The following ERP44 variants were observed in gnomAD, a reference collection of about 807,000 sequenced individuals.
The protein encoded by ERP44 is endoplasmic reticulum resident protein 44.
In ERP44, 25 loss-of-function variants were observed where a neutral mutation model predicts 53.4. The observed-to-expected ratio is 0.47, with a 90% CI of 0.34 to 0.65. The LOEUF is 0.65. ERP44 is among the 30% of genes least tolerant of loss of function. The pLI, the probability that ERP44 is intolerant of heterozygous loss-of-function variation, is 0.01. For synonymous variants in ERP44, 145 were observed against 161.2 expected (o/e 0.90, Z 0.76); for missense variants, 338 against 493.2 (o/e 0.69, Z 2.98).
chr9:100,049,636 C>A (rs1268825668), intron 4 of ERP44, among the ~76,000 whole-genome samples: 1 of 152,106 alleles, frequency 6.6e-6, no homozygotes, highest in African/African-American at 2.4e-5. Context: ...GAATATGGAA[C>A]AACTGGAACT....
intron 4 of ERP44, among the ~76,000 whole-genome samples, chr9:100,043,552 C>A (rs2118692879): frequency 6.6e-6 from 1 of 151,856 alleles, no homozygotes; most frequent in East Asian, 1.9e-4. Flanking sequence ...GTCAGGAGTT[C>A]GAGACCAGCC....
At chr9:100,033,814 TG>T (rs2118675780) in intron 4 of ERP44, among the ~76,000 whole-genome samples, 1 of 152,300 alleles carries the variant, frequency 6.6e-6, no homozygotes, top group East Asian at 1.9e-4. Flanking sequence ...GAGTTATGAA[TG>T]GCCCTCGACA....
At chr9:100,046,893 T>A (rs1825977399) in intron 4 of ERP44, among the ~76,000 whole-genome samples, 1 of 152,150 alleles carries the variant, frequency 6.6e-6, no homozygotes, top group African/African-American at 2.4e-5. Context: ...GCTATAGTAA[T>A]CTACGAAGTA....
chr9:100,022,884 G>A (rs1830608898), intron 4 of ERP44, among the ~76,000 whole-genome samples: 1 of 152,134 alleles, frequency 6.6e-6, no homozygotes, highest in South Asian at 2.1e-4. Flanking sequence ...GGCAAACGAA[G>A]TAACTAAGAT....
intron 3 of ERP44, among the ~76,000 whole-genome samples, chr9:100,052,911 A>G (rs755478746): frequency 6.6e-6 from 1 of 152,080 alleles, no homozygotes; most frequent in Non-Finnish European, 1.5e-5. Flanking sequence ...AGCTTTCTCT[A>G]TTTTATTTAT....
chr9:100,076,090 C>T (rs1826352633), intron 1 of ERP44, among the ~76,000 whole-genome samples: 1 of 152,196 alleles, frequency 6.6e-6, no homozygotes, highest in South Asian at 2.1e-4. Context: ...TTTTGAGAGA[C>T]AGCTCTTGGC....
chr9:100,083,717 T>TG (rs1826451262), intron 1 of ERP44, among the ~76,000 whole-genome samples: 1 of 152,204 alleles, frequency 6.6e-6, no homozygotes, highest in Admixed American at 6.5e-5. Context: ...CCAGGACTAA[T>TG]GCATCAAGAA....
intron 1 of ERP44, among the ~76,000 whole-genome samples, chr9:100,088,460 G>A (rs779895666): frequency 6.6e-5 from 10 of 152,182 alleles, no homozygotes; most frequent in Admixed American, 1.3e-4. Flanking sequence ...AGGCTCACCT[G>A]TCCCGTGATG....
chr9:100,005,162 G>A (rs1169592805), intron 10 of ERP44, among the ~76,000 whole-genome samples: 1 of 152,132 alleles, frequency 6.6e-6, no homozygotes, highest in Non-Finnish European at 1.5e-5. Context: ...TTCTTGCCAA[G>A]GTCACCTTTC....
intron 1 of ERP44, among the ~76,000 whole-genome samples, chr9:100,068,536 G>A (rs1419271515): frequency 4.8e-5 from 6 of 124,696 alleles, no homozygotes; most frequent in South Asian, 2.8e-4. Context: ...TCAGCCCCCC[G>A]CCCGGCCAGC....
chr9:100,068,341 A>G (rs1826252176), intron 1 of ERP44, among the ~76,000 whole-genome samples: 1 of 114,866 alleles, frequency 8.7e-6, no homozygotes, highest in Non-Finnish European at 1.8e-5. Flanking sequence ...TGGGGGGGTC[A>G]GCCCCCCGCC....
At chr9:100,083,099 G>A (rs1826445007) in intron 1 of ERP44, among the ~76,000 whole-genome samples, 1 of 150,716 alleles carries the variant, frequency 6.6e-6, no homozygotes, top group Admixed American at 6.6e-5. Flanking sequence ...AAGAAACTGA[G>A]AAAACATAAA....
At chr9:100,053,723 T>G (rs565094041) in intron 3 of ERP44, among the ~76,000 whole-genome samples, 12 of 152,344 alleles carry the variant, frequency 7.9e-5, no homozygotes, top group Admixed American at 6.5e-4. Context: ...ATGACTATGT[T>G]CTAGGTAATT....
intron 6 of ERP44, 118 bp downstream of exon 6, chr9:100,020,498 T>C: frequency 1.6e-6 from 1 of 618,866 alleles, no homozygotes; most frequent in Non-Finnish European, 2.9e-6. Flanking sequence ...TGTTTAGTGA[T>C]TTTAAAAGGA....
At position 100,033,209 on chromosome 9, in the gene ERP44, T is replaced by C. The variant is rs143981390; in HGVS notation, c.287-10983A>G. 3.3e-4 allele frequency among the ~76,000 whole-genome samples: 51 copies of C among 152,308 alleles called. No individual in the cohort carries two copies. The East Asian group carries it at 9.6e-3, about 29-fold the overall frequency. On this transcript the variant is annotated intron_variant, in intron 4 of 11. Coordinates refer to ENST00000262455, the MANE Select transcript of ERP44 (RefSeq NM_015051.3). ...TGCATCATGACACAATTGGAAAAAT[T>C]TGTTATTTTACCAAGGCTTTGACTA... is the stretch of plus-strand genomic sequence containing the variant.
intron 1 of ERP44, among the ~76,000 whole-genome samples, chr9:100,072,494 G>T (rs1223592464): frequency 3.3e-5 from 5 of 152,058 alleles, no homozygotes; most frequent in African/African-American, 9.7e-5. Context: ...CTAAAAAACA[G>T]AACTAAAAAA....
intron 1 of ERP44, among the ~76,000 whole-genome samples, chr9:100,069,906 T>C (rs2118733279): frequency 6.6e-6 from 1 of 152,340 alleles, no homozygotes; most frequent in Middle Eastern, 3.4e-3. Flanking sequence ...TTCTTCAGCG[T>C]ATTTAAAAAT....
intron 3 of ERP44, 143 bp downstream of exon 3, chr9:100,057,677 C>G: frequency 1.5e-6 from 1 of 650,176 alleles, no homozygotes; most frequent in Non-Finnish European, 2.7e-6. Flanking sequence ...TAAACTACTT[C>G]CCTTGTGGAT....
chr9:100,061,857 A>G (rs1344209925), intron 1 of ERP44, among the ~76,000 whole-genome samples: 3 of 152,144 alleles, frequency 2.0e-5, no homozygotes, highest in Non-Finnish European at 4.4e-5. Context: ...TTCCCTCACT[A>G]GTCATTAGTT....
Sources: gnomAD v4.1 joint callset for allele counts (sites outside exome capture counted in the v4.1 genomes callset) on GRCh38, gnomAD v4.1.1 for gene constraint, MANE v1.5 for transcripts, NCBI Gene and HGNC (gene_info 2026-07-23, HGNC 2026-07-21) for gene names.